The following ADGRL3 variants were observed in gnomAD, a reference collection of about 807,000 sequenced individuals.
ADGRL3 encodes the protein calcium-independent alpha-latrotoxin receptor 3.
ADGRL3 carries 62 observed loss-of-function variants against 153.5 expected under a neutral mutation model. The ratio of observed to expected loss-of-function variants is 0.40; its 90% confidence interval spans 0.33 to 0.50. The LOEUF (loss-of-function observed/expected upper bound fraction) is 0.50. Among genes scored for constraint, ADGRL3 ranks in the 20% least tolerant of loss-of-function variants. ADGRL3 has a pLI of 0.47. For missense variants in ADGRL3, 1,641 were observed against 1,859.4 expected (o/e 0.88, Z 2.16); for synonymous variants, 710 against 672.5 (o/e 1.06, Z -0.86).
intron 5 of ADGRL3, among the ~76,000 whole-genome samples, chr4:61,640,801 G>A (rs1000540942): frequency 6.6e-6 from 1 of 151,944 alleles, no homozygotes; most frequent in Non-Finnish European, 1.5e-5. Context: ...TGCTTGGATG[G>A]GCTCTTTTGT....
Position 61,496,575 on chromosome 4 carries a change from G to C in ADGRL3, c.-173-546G>C, listed in dbSNP as rs745379360. On this transcript the variant is annotated intron_variant, in intron 2 of 26. Coordinates refer to ENST00000683033, the MANE Select transcript of ADGRL3 (RefSeq NM_001387552.1). ...GAGAATCGCGTGAACCCGGGAGGCA[G>C]AGGTTGCAGTGAGCCGAGATCGTGC... 2.0e-5 allele frequency among the ~76,000 whole-genome samples: 3 copies of C among 152,030 alleles called. No individual in the cohort carries two copies. The South Asian group carries it at 6.2e-4, about 31-fold the overall frequency.
intron 6 of ADGRL3, among the ~76,000 whole-genome samples, chr4:61,723,630 G>T (rs537510084): frequency 6.6e-6 from 1 of 152,162 alleles, no homozygotes; most frequent in South Asian, 2.1e-4. Context: ...ACAGATGCAG[G>T]TCGCCATGAT....
chr4:61,846,413 A>G (rs2098117166), intron 9 of ADGRL3, among the ~76,000 whole-genome samples: 1 of 152,146 alleles, frequency 6.6e-6, no homozygotes, highest in Non-Finnish European at 1.5e-5. Context: ...AAAAATTTTC[A>G]ATTGCCTACT....
Position 62,071,756 on chromosome 4 carries a change from C to G in ADGRL3, c.*848C>G, listed in dbSNP as rs773968770. 1 of 402,952 alleles carries G rather than the reference C, an allele frequency of 2.5e-6. No homozygotes were observed. The allele number at this position is 402,952 out of a possible 1,614,324, so 25.0% of individuals were successfully genotyped here. ...CTTCATTTTCTTTTTTTCTTTTTTG[C>G]CTTTTATTCCTTTAAAATTTCGCCT... On this transcript the variant is annotated 3_prime_UTR_variant, in exon 27 of 27. Coordinates refer to ENST00000683033, the MANE Select transcript of ADGRL3 (RefSeq NM_001387552.1).
At chr4:61,226,265 A>G (rs949439849) in intron 1 of ADGRL3, among the ~76,000 whole-genome samples, 5 of 152,084 alleles carry the variant, frequency 3.3e-5, no homozygotes, top group East Asian at 3.9e-4. Flanking sequence ...TAGTTATCCA[A>G]TTGGCTGTGA....
chr4:62,000,880 C>T (rs1466943981), intron 21 of ADGRL3, among the ~76,000 whole-genome samples: 1 of 151,930 alleles, frequency 6.6e-6, no homozygotes, highest in East Asian at 1.9e-4. Flanking sequence ...CTCCTGGGCT[C>T]AAGATACCCT....
At chr4:61,678,999 C>G (rs1413449370) in intron 6 of ADGRL3, among the ~76,000 whole-genome samples, 1 of 151,956 alleles carries the variant, frequency 6.6e-6, no homozygotes, top group Non-Finnish European at 1.5e-5. Context: ...AGCATGGGTG[C>G]TTTTGTTAGT....
At chr4:62,053,623 A>G (rs2151787146) in intron 25 of ADGRL3, among the ~76,000 whole-genome samples, 1 of 151,636 alleles carries the variant, frequency 6.6e-6, no homozygotes, top group East Asian at 1.9e-4. Flanking sequence ...TAGAAACAAT[A>G]TGTTTCCTGA....
At chr4:61,746,276 C>G (rs1387414378) in intron 8 of ADGRL3, among the ~76,000 whole-genome samples, 4 of 151,734 alleles carry the variant, frequency 2.6e-5, no homozygotes, top group Non-Finnish European at 4.4e-5. Flanking sequence ...TAACACCCCA[C>G]TGTCAATATT....
intron 5 of ADGRL3, among the ~76,000 whole-genome samples, chr4:61,628,438 T>C (rs2092962274): frequency 6.6e-6 from 1 of 152,212 alleles, no homozygotes; most frequent in Non-Finnish European, 1.5e-5. Context: ...GTATTCACTT[T>C]AAGACAAAGA....
chr4:61,998,736 CT>C (rs986951080), intron 21 of ADGRL3, among the ~76,000 whole-genome samples: 22 of 151,942 alleles, frequency 1.4e-4, no homozygotes, highest in Non-Finnish European at 2.8e-4. Flanking sequence ...CGACCATGCC[CT>C]GCTAATTTTT....
intron 19 of ADGRL3, among the ~76,000 whole-genome samples, chr4:61,987,844 A>G (rs539527876): frequency 1.5e-4 from 21 of 141,522 alleles, no homozygotes; most frequent in African/African-American, 5.3e-4. Flanking sequence ...AATAATTCAG[A>G]TAATAGACAT....
intron 6 of ADGRL3, among the ~76,000 whole-genome samples, chr4:61,727,832 T>C (rs2096375768): frequency 6.6e-6 from 1 of 152,154 alleles, no homozygotes. Context: ...ATTTCACCAC[T>C]TTTTCTTTTT....
chr4:61,915,940 C>T (rs1390628681), intron 13 of ADGRL3, among the ~76,000 whole-genome samples: 6 of 151,862 alleles, frequency 4.0e-5, no homozygotes, highest in African/African-American at 9.7e-5. Flanking sequence ...TTTTCATAAG[C>T]GCAAGCAATG....
At chr4:61,247,351 A>G (rs1420026291) in intron 1 of ADGRL3, among the ~76,000 whole-genome samples, 4 of 152,062 alleles carry the variant, frequency 2.6e-5, no homozygotes, top group African/African-American at 9.7e-5. Flanking sequence ...ACAGACCAAG[A>G]TATATGTGAT....
chr4:61,536,362 G>T (rs953645033), intron 4 of ADGRL3, among the ~76,000 whole-genome samples: 10 of 152,148 alleles, frequency 6.6e-5, no homozygotes, highest in Admixed American at 5.2e-4. Flanking sequence ...TTCTACATTT[G>T]TTGGGTAGAG....
chr4:61,555,132 T>C (rs1293397020), intron 4 of ADGRL3, among the ~76,000 whole-genome samples: 2 of 152,162 alleles, frequency 1.3e-5, no homozygotes, highest in African/African-American at 4.8e-5. Context: ...TATGCCCAGC[T>C]TTTAGGCAGA....
chr4:61,456,429 C>CTATATATATAGATATATCTATATATA, intron 2 of ADGRL3, among the ~76,000 whole-genome samples: 1 of 34,266 alleles, frequency 2.9e-5, no homozygotes, highest in African/African-American at 7.1e-5. Flanking sequence ...ATATCTATAT[C>CTATATATATAGATATATCTATATATA]TATATATATA....
intron 1 of ADGRL3, among the ~76,000 whole-genome samples, chr4:61,206,997 TA>T (rs1044049040): frequency 6.6e-6 from 1 of 151,406 alleles, no homozygotes; most frequent in African/African-American, 2.4e-5. Context: ...AATAAATAAA[TA>T]AATAAATAAA....
Sources: gnomAD v4.1 joint callset for allele counts (sites outside exome capture counted in the v4.1 genomes callset) on GRCh38, gnomAD v4.1.1 for gene constraint, MANE v1.5 for transcripts, NCBI Gene and HGNC (gene_info 2026-07-23, HGNC 2026-07-21) for gene names.